UFD1: variants seen among roughly 807,000 people sequenced by gnomAD.
UFD1 encodes ubiquitin recognition factor in ER associated degradation 1.
Under a neutral mutation model 45.9 loss-of-function variants are expected in UFD1, and 13 were observed. That is an observed-to-expected ratio of 0.28 (90% CI 0.18 to 0.45). The LOEUF (loss-of-function observed/expected upper bound fraction) is 0.45. Ranked by LOEUF, UFD1 falls within the 20% of genes least tolerant of loss-of-function variation. The probability of loss-of-function intolerance (pLI) is 1.00; values close to 1 mark genes in which losing one functional copy is unlikely to be tolerated. For synonymous variants in UFD1, 128 were observed against 139.2 expected (o/e 0.92, Z 0.56); for missense variants, 218 against 389.2 (o/e 0.56, Z 3.70).
rs142656475 is a variant in UFD1 at position 19,454,062 on chromosome 22, G to C, written c.849+687C>G. 18 of 985,750 alleles carry C rather than the reference G, an allele frequency of 1.8e-5. No individual in the cohort carries two copies. In the African/African-American group the frequency reaches 3.0e-4, roughly 16 times the overall value. The allele number at this position is 985,750 out of a possible 1,614,324, so 61.1% of individuals were successfully genotyped here. On this transcript the variant is annotated intron_variant, in intron 11 of 11. Coordinates refer to ENST00000263202, the MANE Select transcript of UFD1 (RefSeq NM_005659.7). ...CTCTGTCCCGCCACCACCCTGCTCA[G>C]CTAGAAGGTGCTGCCTATATTTGAA...
chr22:19,456,669 A>G (rs762318390), intron 8 of UFD1, 35 bp from the exon 9 acceptor site: 1 of 1,614,188 alleles, frequency 6.2e-7, no homozygotes, highest in Non-Finnish European at 8.5e-7. Flanking sequence ...TGAGCTCCTC[A>G]GCGGGGACAC....
Position 19,450,603 on chromosome 22 carries a change from A to G in UFD1, c.*67T>C. 2 of 1,595,860 alleles carry G rather than the reference A, an allele frequency of 1.3e-6. No individual in the cohort carries two copies. Among genetic ancestry groups the G allele is most frequent in the Non-Finnish European group, 1.7e-6 (2 of 1,165,284 alleles). The stretch of plus-strand genomic sequence containing the variant: ...GATGAGGCTCGTCCCTGTCAGTGCC[A>G]GTAACTAAAAGCCAAGATGTTGCAA... On this transcript the variant is annotated 3_prime_UTR_variant, in exon 12 of 12. Transcript: ENST00000263202.
chr22:19,458,015 C>A, intron 7 of UFD1, 56 bp downstream of exon 7: 1 of 1,599,336 alleles, frequency 6.3e-7, no homozygotes, highest in Non-Finnish European at 8.6e-7. Flanking sequence ...GCAGTGGTCA[C>A]CAACTGCCCA....
At chr22:19,457,994 C>T in intron 7 of UFD1, 77 bp downstream of exon 7, 1 of 1,505,758 alleles carries the variant, frequency 6.6e-7, no homozygotes, top group South Asian at 1.1e-5. Context: ...GCCCTCCTGA[C>T]ACCCTGGCCT....
intron 6 of UFD1, among the ~76,000 whole-genome samples, chr22:19,459,579 C>A (rs2089749632): frequency 6.6e-6 from 1 of 152,080 alleles, no homozygotes; most frequent in Non-Finnish European, 1.5e-5. Context: ...CGGGCCACTG[C>A]ACTCCAGCCT....
chr22:19,450,803 C>T, intron 11 of UFD1, 59 bp from the exon 12 acceptor site: 6 of 1,612,836 alleles, frequency 3.7e-6, no homozygotes, highest in Admixed American at 1.7e-5. Context: ...CAATAAATGC[C>T]TTACTCTATG....
chr22:19,460,520 G>C (rs1031496554), intron 6 of UFD1, among the ~76,000 whole-genome samples: 14 of 151,842 alleles, frequency 9.2e-5, no homozygotes, highest in African/African-American at 3.1e-4. Flanking sequence ...CTAGGTTGGT[G>C]CTCCTCAAAC....
chr22:19,471,893 C>G, intron 3 of UFD1, 85 bp from the exon 4 acceptor site: 1 of 1,539,454 alleles, frequency 6.5e-7, no homozygotes, highest in Non-Finnish European at 8.8e-7. Flanking sequence ...AGGAGCCTCC[C>G]CACAATCCTG....
In UFD1 at chr22:19,450,689, T is replaced by G. The variant is rs2146282839; in HGVS notation, c.905A>C (p.Lys302Thr). Residue 302 changes from lysine (K) to threonine (T), a missense_variant, in exon 12 of 12, where the codon AAA becomes ACA. This residue lies in a region of UFD1 where 69 missense variants were observed against 81.7 expected (regional missense o/e 0.84). Transcript: ENST00000263202. ...CCTCACTTAGGGCTTTCTTCCCTTT[T>G]TACGCAATGACTGTCCTTCTCCAGA... ...AFSGEGQSLR[K>T]KGRKP 6.2e-7 allele frequency: 1 copy of G among 1,614,236 alleles called. No homozygotes were observed. The highest frequency in any genetic ancestry group is 2.2e-5 in the East Asian group (1 of 44,892).
In UFD1 at chr22:19,450,762, A is replaced by ATAC; in HGVS notation, c.850-21_850-19dup. On this transcript the variant is annotated intron_variant, in intron 11 of 11. Transcript: ENST00000263202. ...GCTTCATCCTAGGTTTGAAGAGAAG[A>ATAC]TACTATTTTCAGAAACTCCCTGGAG... 1.2e-6 allele frequency: 2 copies of ATAC among 1,614,118 alleles called. No homozygotes were observed. The highest frequency in any genetic ancestry group is 1.7e-6 in the Non-Finnish European group (2 of 1,179,988).
At chr22:19,451,257 C>A (rs1365584422) in intron 11 of UFD1, 2 of 985,462 alleles carry the variant, frequency 2.0e-6, no homozygotes, top group East Asian at 1.1e-4. Flanking sequence ...GTCTAGTATA[C>A]TCCCAAGGCT....
rs369844450 is a variant in UFD1 at position 19,476,262 on chromosome 22, C to T, written c.4-660G>A. 2.2e-4 allele frequency among the ~76,000 whole-genome samples: 34 copies of T among 152,208 alleles called. No homozygotes were observed. The South Asian group carries it at 6.8e-3, about 31-fold the overall frequency. ...CAGGCAAAAAAGAGGGAAAGACATTCCAGGCAGCAGGAAGAACAGGTACCC... is the reference window on the plus strand; with the variant it reads ...CAGGCAAAAAAGAGGGAAAGACATTTCAGGCAGCAGGAAGAACAGGTACCC... On this transcript the variant is annotated intron_variant, in intron 1 of 11. Coordinates refer to ENST00000263202, the MANE Select transcript of UFD1 (RefSeq NM_005659.7).
chr22:19,472,981 A>G (rs1601902269), intron 3 of UFD1, among the ~76,000 whole-genome samples: 1 of 152,246 alleles, frequency 6.6e-6, no homozygotes, highest in African/African-American at 2.4e-5. Context: ...AAATTCTAAT[A>G]AAGCAAATCA....
chr22:19,477,006 C>CA (rs35775775), intron 1 of UFD1, among the ~76,000 whole-genome samples: 76,372 of 98,172 alleles, frequency 0.78, 29,528 homozygotes, highest in East Asian at 0.83. Context: ...GACTCCATCT[C>CA]AAAAAAAAAA....
chr22:19,475,412 A>G, intron 2 of UFD1, 58 bp downstream of exon 2: 1 of 1,604,722 alleles, frequency 6.2e-7, no homozygotes, highest in South Asian at 1.1e-5. Flanking sequence ...GTTGAAGGCT[A>G]CAGCATTGCA....
intron 11 of UFD1, 134 bp downstream of exon 11, chr22:19,454,615 C>T: frequency 6.5e-7 from 1 of 1,532,872 alleles, no homozygotes; most frequent in Non-Finnish European, 8.8e-7. Flanking sequence ...ATTGCCCAGT[C>T]TCGGGTACAT....
intron 5 of UFD1, chr22:19,467,533 G>A: frequency 4.4e-6 from 1 of 229,354 alleles, no homozygotes; most frequent in Admixed American, 5.2e-5. Flanking sequence ...AGCCACAGAA[G>A]GGGCTGGAGC....
intron 3 of UFD1, among the ~76,000 whole-genome samples, chr22:19,473,200 G>T (rs932350259): frequency 6.6e-6 from 1 of 152,148 alleles, no homozygotes; most frequent in African/African-American, 2.4e-5. Context: ...CTCAGCCAAG[G>T]GTCTGAGATT....
In UFD1 at chr22:19,462,368, C is replaced by G. The variant is rs192280608; in HGVS notation, c.495+2834G>C. On this transcript the variant is annotated intron_variant, in intron 6 of 11. Coordinates refer to ENST00000263202, the MANE Select transcript of UFD1 (RefSeq NM_005659.7). The stretch of plus-strand genomic sequence containing the variant: ...ACACTTTAATTCTAAACAACTCTCT[C>G]AAGAGAGTAAGTCTAGGCCAGGCGC... 2.0e-5 allele frequency among the ~76,000 whole-genome samples: 3 copies of G among 152,234 alleles called. No homozygotes were observed. The East Asian group carries it at 5.8e-4, about 29-fold the overall frequency.
Sources: gnomAD v4.1 joint callset for allele counts (sites outside exome capture counted in the v4.1 genomes callset) on GRCh38, gnomAD v4.1.1 for gene constraint, gnomAD v4.1.1 regional missense constraint, MANE v1.5 for transcripts, NCBI Gene and HGNC (gene_info 2026-07-23, HGNC 2026-07-21) for gene names.